DRC10: variants seen among roughly 807,000 people sequenced by gnomAD.
DRC10 encodes the protein IQ domain-containing protein D.
At chr12:113,200,784 T>G in the DRC10 span, 1 of 1,533,602 alleles carries the variant, frequency 6.5e-7, no homozygotes, top group Admixed American at 2.0e-5. Flanking sequence ...GGTTTTTCAG[T>G]TCTTGGATCA....
the DRC10 span, chr12:113,220,987 G>C: frequency 2.8e-6 from 1 of 359,882 alleles, no homozygotes; most frequent in Non-Finnish European, 5.6e-6. Context: ...TTTCCCAACT[G>C]GCTACTCACC....
the DRC10 span, chr12:113,207,591 A>G: frequency 1.2e-5 from 19 of 1,614,168 alleles, 1 homozygote; most frequent in South Asian, 2.1e-4. Context: ...CAAACAGGAA[A>G]CCACGGAGCT....
the DRC10 span, among the ~76,000 whole-genome samples, chr12:113,214,329 C>T: frequency 2.0e-5 from 3 of 151,762 alleles, no homozygotes; most frequent in Middle Eastern, 3.4e-3. Flanking sequence ...GGCAATATGG[C>T]GAAACATCTC....
chr12:113,207,676 TG>T, the DRC10 span: 1 of 1,614,042 alleles, frequency 6.2e-7, no homozygotes, highest in East Asian at 2.2e-5. Flanking sequence ...CCTAGCAGCC[TG>T]GGGGTTGCTG....
the DRC10 span, among the ~76,000 whole-genome samples, chr12:113,212,016 G>C: frequency 6.6e-6 from 1 of 151,794 alleles, no homozygotes; most frequent in Non-Finnish European, 1.5e-5. Flanking sequence ...AGTGAGCCAT[G>C]ATCGCACCAC....
the DRC10 span, among the ~76,000 whole-genome samples, chr12:113,213,175 C>CT: frequency 5.3e-5 from 3 of 57,132 alleles, no homozygotes; most frequent in Admixed American, 2.2e-4. Context: ...TCAGAGGGTG[C>CT]TAAAAAAAAA....
chr12:113,216,187 T>C, the DRC10 span, among the ~76,000 whole-genome samples: 1 of 152,180 alleles, frequency 6.6e-6, no homozygotes, highest in Non-Finnish European at 1.5e-5. Flanking sequence ...TACAGGATTA[T>C]TCAGTGTTAA....
chr12:113,200,055 A>G, the DRC10 span: 1 of 256,606 alleles, frequency 3.9e-6, no homozygotes, highest in Non-Finnish European at 7.8e-6. Context: ...CCGGTCAGAA[A>G]TGATATTTAT....
chr12:113,203,866 T>C, the DRC10 span, among the ~76,000 whole-genome samples: 5 of 145,346 alleles, frequency 3.4e-5, no homozygotes, highest in African/African-American at 7.7e-5. Context: ...AAGTGATCCA[T>C]CTGCCTTGGC....
At chr12:113,212,019 C>T in the DRC10 span, among the ~76,000 whole-genome samples, 6 of 151,306 alleles carry the variant, frequency 4.0e-5, no homozygotes, top group East Asian at 5.9e-4. Flanking sequence ...GAGCCATGAT[C>T]GCACCACTGC....
chr12:113,199,152 G>T, the DRC10 span, among the ~76,000 whole-genome samples: 1 of 152,096 alleles, frequency 6.6e-6, no homozygotes, highest in African/African-American at 2.4e-5. Context: ...GGCCAGGCTG[G>T]TCTCGAACTC....
the DRC10 span, chr12:113,195,769 T>C: frequency 1.2e-6 from 2 of 1,614,002 alleles, no homozygotes; most frequent in South Asian, 1.1e-5. Flanking sequence ...TTCTTGGAGT[T>C]GATCTCCCGC....
At chr12:113,208,928 GGTTT>G in the DRC10 span, among the ~76,000 whole-genome samples, 1 of 152,014 alleles carries the variant, frequency 6.6e-6, no homozygotes, top group East Asian at 1.9e-4. Flanking sequence ...AAAGTTTTTT[GGTTT>G]GTTTGTTTAT....
chr12:113,198,983 G>T, the DRC10 span, among the ~76,000 whole-genome samples: 1 of 152,082 alleles, frequency 6.6e-6, no homozygotes, highest in Non-Finnish European at 1.5e-5. Context: ...TGTCACCCAG[G>T]CTGGAGTGCA....
the DRC10 span, among the ~76,000 whole-genome samples, chr12:113,214,150 G>C: frequency 2.0e-5 from 3 of 152,074 alleles, no homozygotes; most frequent in African/African-American, 7.2e-5. Context: ...CTAGAAAGAA[G>C]CAACAGATTC....
the DRC10 span, among the ~76,000 whole-genome samples, chr12:113,198,955 T>G: frequency 7.9e-5 from 12 of 151,978 alleles, no homozygotes; most frequent in African/African-American, 2.9e-4. Context: ...TTTTTTCTTT[T>G]GAGATGGAGT....
At chr12:113,208,118 T>C in the DRC10 span, 1 of 1,614,214 alleles carries the variant, frequency 6.2e-7, no homozygotes, top group South Asian at 1.1e-5. Context: ...ATTCTGTTGA[T>C]GGCAGGGGCC....
the DRC10 span, among the ~76,000 whole-genome samples, chr12:113,214,225 G>A: frequency 2.0e-5 from 3 of 151,980 alleles, no homozygotes; most frequent in Non-Finnish European, 4.4e-5. Flanking sequence ...AATCACTGTT[G>A]CGGTTGGGCT....
chr12:113,201,919 G>A, the DRC10 span, among the ~76,000 whole-genome samples: 3 of 152,210 alleles, frequency 2.0e-5, no homozygotes, highest in Admixed American at 1.3e-4. Flanking sequence ...CTCCCCACAC[G>A]TGCCTGATTG....
Sources: allele counts gnomAD v4.1 joint callset (sites outside exome capture counted in the v4.1 genomes callset), GRCh38; gene constraint gnomAD v4.1.1; transcripts MANE v1.5; gene names NCBI Gene and HGNC (gene_info 2026-07-23, HGNC 2026-07-21).